The following CDH23 variants were observed in gnomAD, a reference collection of about 807,000 sequenced individuals.
CDH23 encodes cadherin related 23, also known as cadherin-23.
CDH23 carries 189 observed loss-of-function variants against 317.1 expected under a neutral mutation model. That is an observed-to-expected ratio of 0.60 (90% confidence interval 0.53 to 0.67). CDH23 has a LOEUF of 0.67. Among genes scored for constraint, CDH23 ranks in the 30% least tolerant of loss-of-function variants. The pLI is 0.00. For synonymous variants in CDH23, 1,839 were observed against 1,876.8 expected (o/e 0.98, Z 0.52); for missense variants, 4,401 against 4,592.4 (o/e 0.96, Z 1.20).
chr10:71,481,060 G>A (rs1852039344), intron 3 of CDH23, among the ~76,000 whole-genome samples: 1 of 152,176 alleles, frequency 6.6e-6, no homozygotes, highest in Non-Finnish European at 1.5e-5. Flanking sequence ...AACTTGGGGT[G>A]GGGTTGAGGT....
At chr10:71,411,089 T>C (rs1431211819) in intron 1 of CDH23, among the ~76,000 whole-genome samples, 1 of 152,216 alleles carries the variant, frequency 6.6e-6, no homozygotes, top group Admixed American at 6.5e-5. Flanking sequence ...AGTTTTGTTC[T>C]TCTTCAAGAC....
chr10:71,577,865 G>C, intron 8 of CDH23, 49 bp from the exon 9 acceptor site: 3 of 1,484,254 alleles, frequency 2.0e-6, no homozygotes, highest in Non-Finnish European at 2.8e-6. Flanking sequence ...TACAAAGAAA[G>C]ACAGCAGCCA....
At chr10:71,705,780 G>A (rs1865766166) in intron 25 of CDH23, among the ~76,000 whole-genome samples, 1 of 152,194 alleles carries the variant, frequency 6.6e-6, no homozygotes, top group African/African-American at 2.4e-5. Flanking sequence ...AATAACCCCA[G>A]GGAAATAAGG....
In CDH23 at chr10:71,811,452, C is replaced by T. The variant is rs1446368680; in HGVS notation, c.9198+17C>T. On this transcript the variant is annotated intron_variant, in intron 63 of 69. Coordinates refer to ENST00000224721, the MANE Select transcript of CDH23 (RefSeq NM_022124.6). The stretch of plus-strand genomic sequence containing the variant: ...GCCCTGCAGGTACCCGGCGACCGTG[C>T]CCCACAGCCCTAGCCGCCCTCCCCA... 1 of 1,613,994 alleles carries T rather than the reference C, an allele frequency of 6.2e-7. No individual in the cohort carries two copies.
rs201173623 is a variant in CDH23 at position 71,778,170 on chromosome 10, C to A, written c.5068-19C>A. The A allele has an allele frequency of 3.9e-5, 63 of 1,613,640 alleles. No individual in the cohort carries two copies. Among genetic ancestry groups the A allele is most frequent in the African/African-American group, 5.3e-5 (4 of 74,884 alleles). On this transcript the variant is annotated intron_variant, in intron 39 of 69. Transcript: ENST00000224721. ...TACCACCCCTAGATCCATCCTTGTCCCTTCCCTGTGTCCCCCAGGGTGTCA... is the reference window on the plus strand; with the variant it reads ...TACCACCCCTAGATCCATCCTTGTCACTTCCCTGTGTCCCCCAGGGTGTCA...
chr10:71,763,855 T>C (rs1019795860), intron 38 of CDH23, among the ~76,000 whole-genome samples: 1 of 152,168 alleles, frequency 6.6e-6, no homozygotes, highest in Non-Finnish European at 1.5e-5. Flanking sequence ...AGCTTTAAAG[T>C]CTTTCCTGCT....
At position 71,477,985 on chromosome 10, in the gene CDH23, C is replaced by G. The variant is rs553868459; in HGVS notation, c.145+31590C>G. On this transcript the variant is annotated intron_variant, in intron 3 of 69. Coordinates refer to ENST00000224721, the MANE Select transcript of CDH23 (RefSeq NM_022124.6). Reference sequence around the variant, plus strand: ...CTTCTCCACACAGTACCCCAGGCAGCCCCTACCAATCTATGAGAATTGGCA... The same window carrying G: ...CTTCTCCACACAGTACCCCAGGCAGGCCCTACCAATCTATGAGAATTGGCA... Among the ~76,000 whole-genome samples, 6 of 152,240 alleles carry G rather than the reference C, an allele frequency of 3.9e-5. 1 individual carries two copies. In the South Asian group the frequency reaches 8.3e-4, roughly 21 times the overall value.
At chr10:71,635,729 A>G (rs1158236924) in intron 11 of CDH23, among the ~76,000 whole-genome samples, 1 of 151,874 alleles carries the variant, frequency 6.6e-6, no homozygotes, top group Non-Finnish European at 1.5e-5. Context: ...AGAGGGACAG[A>G]AGAAGGAAAG....
intron 20 of CDH23, among the ~76,000 whole-genome samples, chr10:71,690,958 G>A (rs1437778623): frequency 2.0e-5 from 3 of 152,136 alleles, no homozygotes; most frequent in Admixed American, 6.5e-5. Flanking sequence ...CTTCTTACAC[G>A]GATGTGTGCC....
intron 3 of CDH23, among the ~76,000 whole-genome samples, chr10:71,504,655 G>A (rs539990358): frequency 6.6e-6 from 1 of 152,338 alleles, no homozygotes; most frequent in Non-Finnish European, 1.5e-5. Flanking sequence ...GAGAGGCCAA[G>A]TGCACAGAAT....
At chr10:71,719,667 GTCT>G (rs1329943860) in intron 28 of CDH23, 2 of 152,744 alleles carry the variant, frequency 1.3e-5, no homozygotes, top group African/African-American at 4.8e-5. Context: ...CCGTGGAGAG[GTCT>G]TCTCAGCTGT....
At chr10:71,708,774 G>C (rs890965816) in intron 26 of CDH23, among the ~76,000 whole-genome samples, 1 of 152,268 alleles carries the variant, frequency 6.6e-6, no homozygotes, top group Non-Finnish European at 1.5e-5. Flanking sequence ...CCCACGCATG[G>C]AGAAACCCAG....
In CDH23 at chr10:71,528,993, A is replaced by G. The variant is rs140139645; in HGVS notation, c.429+17781A>G. Among the ~76,000 whole-genome samples, 562 of 151,578 alleles carry G rather than the reference A, an allele frequency of 3.7e-3. 1 individual carries two copies. Among genetic ancestry groups the G allele is most frequent in the Non-Finnish European group, 6.8e-3 (458 of 67,768 alleles). On this transcript the variant is annotated intron_variant, in intron 6 of 69. Coordinates refer to ENST00000224721, the MANE Select transcript of CDH23 (RefSeq NM_022124.6). ...AGCACACGTCTGTTTCCCCTGTTCTATGGGAGGGTCTCTCTCTCTCTACTT... is the reference window on the plus strand; with the variant it reads ...AGCACACGTCTGTTTCCCCTGTTCTGTGGGAGGGTCTCTCTCTCTCTACTT...
At chr10:71,502,879 T>C (rs1473202435) in intron 3 of CDH23, among the ~76,000 whole-genome samples, 2 of 152,194 alleles carry the variant, frequency 1.3e-5, no homozygotes, top group East Asian at 1.9e-4. Context: ...CCTTCTCTCA[T>C]CTAGAGAAAA....
chr10:71,667,483 A>C (rs1327807491), intron 14 of CDH23, among the ~76,000 whole-genome samples: 1 of 151,820 alleles, frequency 6.6e-6, no homozygotes, highest in African/African-American at 2.4e-5. Context: ...GAAAGTTTCT[A>C]GGAGAGTGTG....
At chr10:71,544,440 G>A (rs1015507879) in intron 6 of CDH23, among the ~76,000 whole-genome samples, 1 of 152,218 alleles carries the variant, frequency 6.6e-6, no homozygotes, top group Non-Finnish European at 1.5e-5. Flanking sequence ...GGACGAAGCT[G>A]GCGATGGGAG....
At chr10:71,510,618 C>A (rs1853914446) in intron 4 of CDH23, among the ~76,000 whole-genome samples, 1 of 152,010 alleles carries the variant, frequency 6.6e-6, no homozygotes, top group African/African-American at 2.4e-5. Context: ...TGAACACATC[C>A]CCAACCCTTA....
chr10:71,593,062 T>C (rs1859604651), intron 9 of CDH23, among the ~76,000 whole-genome samples: 1 of 152,138 alleles, frequency 6.6e-6, no homozygotes, highest in Admixed American at 6.5e-5. Flanking sequence ...AGGCAGCCGG[T>C]ACAGGAGAGG....
rs2132669634 is a variant in CDH23 at position 71,677,541 on chromosome 10, A to G, written c.1600A>G (p.Ile534Val). 1 of 1,612,140 alleles carries G rather than the reference A, an allele frequency of 6.2e-7. No homozygotes were observed. Among genetic ancestry groups the G allele is most frequent in the Middle Eastern group, 1.7e-4 (1 of 6,060 alleles). ...ELIQRFTLTI[I>V]ARDGGGEETT... is the part of the protein sequence containing the mutation. ...CATCCAGCGCTTCACCCTGACGATC[A>G]TTGCCCGGGACGGGGGCGGCGAGGA... Residue 534 changes from isoleucine (I) to valine (V), a missense_variant, in exon 16 of 70, where the codon ATT (isoleucine) becomes GTT (valine). Ile to Val is a conservative substitution (Grantham distance 29, BLOSUM62 3). This residue lies in a region of CDH23 where 3,068 missense variants were observed against 3,203.3 expected (regional missense o/e 0.96). Transcript: ENST00000224721.
Sources: allele counts gnomAD v4.1 joint callset (sites outside exome capture counted in the v4.1 genomes callset), GRCh38; gene constraint gnomAD v4.1.1; regional missense constraint gnomAD v4.1.1; transcripts MANE v1.5; gene names NCBI Gene and HGNC (gene_info 2026-07-23, HGNC 2026-07-21).